CDK14: variants seen among roughly 807,000 people sequenced by gnomAD.
The protein encoded by CDK14 is cyclin dependent kinase 14.
In CDK14, 34 loss-of-function variants were observed where a neutral mutation model predicts 60.7. The ratio of observed to expected loss-of-function variants is 0.56; its 90% CI spans 0.43 to 0.75. The LOEUF (loss-of-function observed/expected upper bound fraction) is 0.75. Among genes scored for constraint, CDK14 ranks in the 30% least tolerant of loss-of-function variants. CDK14 has a pLI of 0.00. For synonymous variants in CDK14, 197 were observed against 203.7 expected, an observed-to-expected ratio of 0.97 and a Z score of 0.28; for missense variants, 482 against 564.1, an observed-to-expected ratio of 0.85 and a Z score of 1.47.
intron 4 of CDK14, among the ~76,000 whole-genome samples, chr7:90,769,701 A>G (rs1297760471): frequency 6.6e-6 from 1 of 152,140 alleles, no homozygotes; most frequent in Non-Finnish European, 1.5e-5. Context: ...TCCTGACCTC[A>G]GGCGATCCAT....
rs372317267 is a variant in CDK14, at chr7:91,050,259, T to C, written c.1105+4299T>C. Among the ~76,000 whole-genome samples, 197 of 152,194 alleles carry C rather than the reference T, an allele frequency of 1.3e-3. 2 individuals are homozygous for C. Among genetic ancestry groups the C allele is most frequent in the African/African-American group, 4.6e-3 (190 of 41,526 alleles). On this transcript the variant is annotated intron_variant, in intron 11 of 14. Coordinates refer to ENST00000380050, the MANE Select transcript of CDK14 (RefSeq NM_001287135.2). ...AGTAAGACCACCCCAGCTATTATAC[T>C]GAGAATTGGGGGCCAGAGAAGAAGC...
chr7:90,703,037 A>T (rs1459053485), intron 2 of CDK14, among the ~76,000 whole-genome samples: 2 of 145,860 alleles, frequency 1.4e-5, no homozygotes, highest in Admixed American at 6.9e-5. Flanking sequence ...TTTCCTTTTC[A>T]GAGTTTATTC....
intron 3 of CDK14, among the ~76,000 whole-genome samples, chr7:90,731,417 A>G (rs560588606): frequency 6.5e-4 from 99 of 152,322 alleles, no homozygotes; most frequent in African/African-American, 2.2e-3. Flanking sequence ...CATTGAATCT[A>G]TAAATTACTT....
intron 2 of CDK14, among the ~76,000 whole-genome samples, chr7:90,719,298 A>G (rs1419463629): frequency 6.6e-6 from 1 of 152,160 alleles, no homozygotes; most frequent in African/African-American, 2.4e-5. Flanking sequence ...TCTGCCTTCA[A>G]CTAACAGTGT....
At chr7:91,058,832 C>A (rs1482679027) in intron 11 of CDK14, among the ~76,000 whole-genome samples, 1 of 152,152 alleles carries the variant, frequency 6.6e-6, no homozygotes, top group Non-Finnish European at 1.5e-5. Context: ...ATTTTTGCAT[C>A]AATGTTTATC....
chr7:90,808,162 G>A (rs1475015092), intron 5 of CDK14, among the ~76,000 whole-genome samples: 1 of 152,120 alleles, frequency 6.6e-6, no homozygotes, highest in Non-Finnish European at 1.5e-5. Flanking sequence ...ACACATAATT[G>A]TCAGGTTCAC....
rs146789030 is a variant in CDK14 at position 90,801,308 on chromosome 7, G to A, written c.544+10656G>A. On this transcript the variant is annotated intron_variant, in intron 5 of 14. Coordinates refer to ENST00000380050, the MANE Select transcript of CDK14 (RefSeq NM_001287135.2). The stretch of plus-strand genomic sequence containing the variant: ...ATATAATAGACAATGAATGAATATA[G>A]ATAACTTTCTCCAATGTGATTTATT... Among the ~76,000 whole-genome samples the A allele has an allele frequency of 3.7e-3, 569 of 152,250 alleles. 1 individual carries two copies. Among genetic ancestry groups the A allele is most frequent in the Admixed American group, 8.6e-3 (131 of 15,284 alleles).
intron 14 of CDK14, among the ~76,000 whole-genome samples, chr7:91,138,058 T>C (rs930298481): frequency 6.6e-6 from 1 of 152,196 alleles, no homozygotes; most frequent in African/African-American, 2.4e-5. Flanking sequence ...CATCTTTTGA[T>C]AAGGTTTAAT....
chr7:90,682,727 A>C (rs890225201), intron 2 of CDK14, among the ~76,000 whole-genome samples: 1 of 152,172 alleles, frequency 6.6e-6, no homozygotes, highest in African/African-American at 2.4e-5. Context: ...CATTACATTT[A>C]CTTGTCATAT....
intron 8 of CDK14, among the ~76,000 whole-genome samples, chr7:90,940,238 A>G (rs1309722531): frequency 6.6e-6 from 1 of 152,106 alleles, no homozygotes; most frequent in Non-Finnish European, 1.5e-5. Context: ...CAGAGATCCA[A>G]TATGCAAATA....
Position 90,710,473 on chromosome 7 carries a change from G to T in CDK14, c.124-16094G>T, listed in dbSNP as rs372204960. 2.0e-5 allele frequency: 20 copies of T among 984,986 alleles called. No homozygotes were observed. The East Asian group carries it at 2.2e-3, about 107-fold the overall frequency. The allele number at this position is 984,986 out of a possible 1,614,324, so 61.0% of individuals were successfully genotyped here. ...GAATAAATATCTCTAATATATTAGA[G>T]ACCTGGGGCTTCCTCCCTGCTCATC... On this transcript the variant is annotated intron_variant, in intron 2 of 14. Coordinates refer to ENST00000380050, the MANE Select transcript of CDK14 (RefSeq NM_001287135.2).
intron 14 of CDK14, among the ~76,000 whole-genome samples, chr7:91,119,060 T>A (rs562837323): frequency 1.1e-4 from 16 of 150,718 alleles, no homozygotes; most frequent in Non-Finnish European, 2.2e-4. Context: ...TACATACATA[T>A]ATATACATAT....
At chr7:90,787,571 A>C (rs1044256913) in intron 4 of CDK14, among the ~76,000 whole-genome samples, 1 of 152,222 alleles carries the variant, frequency 6.6e-6, no homozygotes, top group Non-Finnish European at 1.5e-5. Context: ...CTATTATAAC[A>C]GCATTAATAT....
intron 6 of CDK14, among the ~76,000 whole-genome samples, chr7:90,873,713 T>G (rs571953096): frequency 6.6e-6 from 1 of 152,246 alleles, no homozygotes; most frequent in Non-Finnish European, 1.5e-5. Context: ...CTTTTTTAGC[T>G]GATTCTTTCA....
chr7:90,678,818 C>T (rs1287928981), intron 2 of CDK14, among the ~76,000 whole-genome samples: 1 of 152,068 alleles, frequency 6.6e-6, no homozygotes, highest in Non-Finnish European at 1.5e-5. Context: ...TAAAAAGTTC[C>T]TTAAGAAGGT....
At chr7:90,922,779 CAACAT>C (rs1265151273) in intron 8 of CDK14, among the ~76,000 whole-genome samples, 3 of 152,058 alleles carry the variant, frequency 2.0e-5, no homozygotes, top group Non-Finnish European at 2.9e-5. Context: ...TATGTTATCA[CAACAT>C]AACATTGTCT....
intron 8 of CDK14, among the ~76,000 whole-genome samples, chr7:90,949,691 A>G (rs945801191): frequency 6.6e-6 from 1 of 152,218 alleles, no homozygotes; most frequent in Non-Finnish European, 1.5e-5. Flanking sequence ...TAGAAAGACT[A>G]CTGAATGAAT....
chr7:90,651,276 C>G (rs1321970889), intron 2 of CDK14, among the ~76,000 whole-genome samples: 1 of 152,134 alleles, frequency 6.6e-6, no homozygotes, highest in Non-Finnish European at 1.5e-5. Flanking sequence ...TAGGAACTCA[C>G]TGTGCCAACT....
At chr7:90,864,188 T>G (rs1477071195) in intron 6 of CDK14, among the ~76,000 whole-genome samples, 1 of 152,144 alleles carries the variant, frequency 6.6e-6, no homozygotes, top group Non-Finnish European at 1.5e-5. Flanking sequence ...TGCCTGTGTC[T>G]GTCATTTGAA....
Sources: gnomAD v4.1 joint callset for allele counts (sites outside exome capture counted in the v4.1 genomes callset) on GRCh38, gnomAD v4.1.1 for gene constraint, MANE v1.5 for transcripts, NCBI Gene and HGNC (gene_info 2026-07-23, HGNC 2026-07-21) for gene names.